PLPPR4: variants seen among roughly 807,000 people sequenced by gnomAD.
PLPPR4 encodes the protein phospholipid phosphatase-related protein type 4.
PLPPR4 carries 24 observed loss-of-function variants against 56.6 expected under a neutral mutation model. The observed-to-expected ratio is 0.42, with a 90% CI of 0.31 to 0.60. PLPPR4 has a LOEUF of 0.60. Ranked by LOEUF, PLPPR4 falls within the 20% of genes least tolerant of loss-of-function variation. The pLI is 0.13. For missense variants in PLPPR4, 654 were observed against 885.8 expected, an observed-to-expected ratio of 0.74 and a Z score of 3.32; for synonymous variants, 326 against 328.1, an observed-to-expected ratio of 0.99 and a Z score of 0.07.
At chr1:99,292,747 C>A (rs712881) in intron 2 of PLPPR4, among the ~76,000 whole-genome samples, 18,746 of 152,112 alleles carry the variant, frequency 0.12, 1,231 homozygotes, top group South Asian at 0.17. Flanking sequence ...TCTCTCCAAA[C>A]ATATACTATA....
chr1:99,266,131 A>T (rs1658890909), intron 1 of PLPPR4, among the ~76,000 whole-genome samples: 2 of 152,334 alleles, frequency 1.3e-5, no homozygotes, highest in South Asian at 4.1e-4. Flanking sequence ...CCATGATGAA[A>T]ATGGTGAAGG....
chr1:99,271,057 A>G (rs1557772954), intron 1 of PLPPR4, among the ~76,000 whole-genome samples: 1 of 152,206 alleles, frequency 6.6e-6, no homozygotes, highest in Non-Finnish European at 1.5e-5. Flanking sequence ...CTTCATGGCC[A>G]AGTTACTCAA....
chr1:99,274,076 C>A (rs958838740), intron 1 of PLPPR4, among the ~76,000 whole-genome samples: 1 of 152,026 alleles, frequency 6.6e-6, no homozygotes, highest in Non-Finnish European at 1.5e-5. Flanking sequence ...TTTTAATTTT[C>A]ATAGAAAGTT....
rs899873673 is a variant in PLPPR4, at chr1:99,306,968, C to T, written c.2106C>T (p.Ile702=). The T allele has an allele frequency of 5.6e-6, 9 of 1,611,122 alleles. No homozygotes were observed. Among genetic ancestry groups the T allele is most frequent in the Non-Finnish European group, 6.8e-6 (8 of 1,179,686 alleles). ...ACAGCCCCGAAAACACTAGAAATAT[C>T]TTCTACAAAGGAACCTCCCCCACAC... The part of the protein sequence containing the change: ...RSNSPENTRN[I]FYKGTSPTRA... Residue 702 remains isoleucine, a synonymous_variant, in exon 7 of 7, where the codon ATC becomes ATT. Transcript: ENST00000370185. This position sits in a 1 kb window ranked among gnomAD's most constrained non-coding sequence, Gnocchi z 4.0.
intron 1 of PLPPR4, 125 bp downstream of exon 1, chr1:99,264,796 C>A: frequency 1.1e-6 from 1 of 915,238 alleles, no homozygotes; most frequent in Non-Finnish European, 1.7e-6. Flanking sequence ...CCCAAATGCC[C>A]GACCCTCCCC....
chr1:99,263,263 A>T (rs1658807137), upstream of PLPPR4, among the ~76,000 whole-genome samples: 1 of 152,154 alleles, frequency 6.6e-6, no homozygotes, highest in Non-Finnish European at 1.5e-5. Flanking sequence ...ATTGGGTTCA[A>T]CTAAGCCGGG....
At chr1:99,286,188 G>A (rs970974797) in intron 1 of PLPPR4, among the ~76,000 whole-genome samples, 3 of 151,888 alleles carry the variant, frequency 2.0e-5, no homozygotes, top group Non-Finnish European at 4.4e-5. Context: ...TATTGCATGG[G>A]GTATACTTAC....
intron 1 of PLPPR4, among the ~76,000 whole-genome samples, chr1:99,273,955 C>T (rs1659119930): frequency 6.6e-6 from 1 of 151,952 alleles, no homozygotes; most frequent in Non-Finnish European, 1.5e-5. Flanking sequence ...CTATATGAGT[C>T]CTCATCTCTT....
At chr1:99,285,474 T>C (rs1659440697) in intron 1 of PLPPR4, among the ~76,000 whole-genome samples, 1 of 152,112 alleles carries the variant, frequency 6.6e-6, no homozygotes, top group Non-Finnish European at 1.5e-5. Flanking sequence ...GAGAGGGAAG[T>C]AGTGAGGCAA....
chr1:99,293,123 G>A (rs1254099030), intron 2 of PLPPR4, among the ~76,000 whole-genome samples: 2 of 152,156 alleles, frequency 1.3e-5, no homozygotes, highest in Non-Finnish European at 2.9e-5. Flanking sequence ...CCGCCACGTG[G>A]AGTGGGGGTA....
rs201064283 is a variant in PLPPR4, at chr1:99,302,512, A to T, written c.822+615A>T. 4.2e-4 allele frequency among the ~76,000 whole-genome samples: 12 copies of T among 28,752 alleles called. No individual in the cohort carries two copies. In the East Asian group the frequency reaches 0.012, roughly 29 times the overall value. The allele number at this position is 28,752 out of a possible 152,430, so 18.9% of individuals were successfully genotyped here. ...AGAAATGAGATGTATTCTTTTTTTTATTATTATTATTATTATTATACTTTA... is the reference window on the plus strand; with the variant it reads ...AGAAATGAGATGTATTCTTTTTTTTTTTATTATTATTATTATTATACTTTA... On this transcript the variant is annotated intron_variant, in intron 6 of 6. Coordinates refer to ENST00000370185, the MANE Select transcript of PLPPR4 (RefSeq NM_014839.5).
intron 1 of PLPPR4, among the ~76,000 whole-genome samples, chr1:99,272,566 A>G (rs760023040): frequency 2.0e-5 from 3 of 152,184 alleles, no homozygotes; most frequent in Admixed American, 6.6e-5. Context: ...CAAAGCAATT[A>G]TGAATGGATC....
At chr1:99,292,819 A>T (rs1659655160) in intron 2 of PLPPR4, among the ~76,000 whole-genome samples, 1 of 151,606 alleles carries the variant, frequency 6.6e-6, no homozygotes, top group African/African-American at 2.4e-5. Context: ...CTCCCCAAAC[A>T]TACATTTTCT....
At chr1:99,305,596 C>T in intron 6 of PLPPR4, 89 bp from the exon 7 acceptor site, 1 of 1,261,506 alleles carries the variant, frequency 7.9e-7, no homozygotes, top group Non-Finnish European at 1.1e-6. Context: ...GAAGCATATA[C>T]CTATGTATGT....
At chr1:99,299,695 C>T (rs1390668834) in intron 4 of PLPPR4, among the ~76,000 whole-genome samples, 1 of 151,838 alleles carries the variant, frequency 6.6e-6, no homozygotes, top group Non-Finnish European at 1.5e-5. Context: ...TCTAAGATTG[C>T]ATATGTTTTC....
chr1:99,268,286 T>C (rs930695592), intron 1 of PLPPR4, among the ~76,000 whole-genome samples: 1 of 152,254 alleles, frequency 6.6e-6, no homozygotes, highest in Non-Finnish European at 1.5e-5. Context: ...CACAAAGAGT[T>C]GGAGGACAGT....
At chr1:99,288,507 A>C (rs1659530298) in intron 2 of PLPPR4, among the ~76,000 whole-genome samples, 1 of 152,090 alleles carries the variant, frequency 6.6e-6, no homozygotes, top group Non-Finnish European at 1.5e-5. Context: ...AGCCTGAAAA[A>C]ATGGGGGAGA....
At chr1:99,296,675 A>G in intron 2 of PLPPR4, 63 bp from the exon 3 acceptor site, 2 of 1,383,796 alleles carry the variant, frequency 1.4e-6, no homozygotes, top group Admixed American at 2.2e-5. Flanking sequence ...TAATTCCTTT[A>G]TACCTGTTGG....
chr1:99,264,844 C>A (rs1441467653), intron 1 of PLPPR4, among the ~76,000 whole-genome samples, 173 bp downstream of exon 1: 1 of 152,178 alleles, frequency 6.6e-6, no homozygotes, highest in South Asian at 2.1e-4. Context: ...CCGAATGTGC[C>A]TGTGAATACC....
Sources: allele counts gnomAD v4.1 joint callset (sites outside exome capture counted in the v4.1 genomes callset), GRCh38; gene constraint gnomAD v4.1.1; non-coding constraint Gnocchi (gnomAD v3.1); transcripts MANE v1.5; gene names NCBI Gene and HGNC (gene_info 2026-07-23, HGNC 2026-07-21).